Variants in GPC6 observed in about 807,000 individuals in gnomAD.
The protein encoded by GPC6 is glypican 6.
A neutral mutation model predicts 55.2 loss-of-function variants in GPC6; 14 were observed. The ratio of observed to expected loss-of-function variants is 0.25; its 90% CI spans 0.17 to 0.40. The LOEUF is 0.40. Ranked by LOEUF, GPC6 falls within the 10% of genes least tolerant of loss-of-function variation. The probability of loss-of-function intolerance (pLI) is 1.00; values close to 1 mark genes in which losing one functional copy is unlikely to be tolerated. For missense variants in GPC6, 641 were observed against 708.5 expected (o/e 0.90, Z 1.08); for synonymous variants, 278 against 259.6 (o/e 1.07, Z -0.68).
chr13:94,165,973 G>GA (rs1888354625), intron 4 of GPC6, among the ~76,000 whole-genome samples: 1 of 152,076 alleles, frequency 6.6e-6, no homozygotes, highest in Non-Finnish European at 1.5e-5. Flanking sequence ...CTTTCAGGAA[G>GA]AAAATTTTTC....
At chr13:94,393,610 A>G (rs760313300) in intron 7 of GPC6, among the ~76,000 whole-genome samples, 16 of 152,154 alleles carry the variant, frequency 1.1e-4, no homozygotes, top group Non-Finnish European at 2.4e-4. Flanking sequence ...TCAGGGGAAG[A>G]ATCATGCACC....
rs78389627 is a variant in GPC6 at position 94,050,596 on chromosome 13, C to T, written c.877+22702C>T. 2.8e-3 allele frequency among the ~76,000 whole-genome samples: 426 copies of T among 152,282 alleles called. 2 individuals carry two copies. The highest frequency in any genetic ancestry group is 4.9e-3 in the Non-Finnish European group (330 of 68,012). ...CTGCTAAGCAGGCACAGAGAATGTGCACCAATAGACGTTATTGCTAGACTC... is the reference window on the plus strand; with the variant it reads ...CTGCTAAGCAGGCACAGAGAATGTGTACCAATAGACGTTATTGCTAGACTC... On this transcript the variant is annotated intron_variant, in intron 4 of 8. Coordinates refer to ENST00000377047, the MANE Select transcript of GPC6 (RefSeq NM_005708.5).
At chr13:94,329,049 T>C (rs1046095016) in intron 6 of GPC6, among the ~76,000 whole-genome samples, 1 of 152,016 alleles carries the variant, frequency 6.6e-6, no homozygotes, top group African/African-American at 2.4e-5. Context: ...TGAAATGGAG[T>C]TGGTGAGATA....
chr13:93,910,728 A>G (rs1876925689), intron 3 of GPC6, among the ~76,000 whole-genome samples: 1 of 152,196 alleles, frequency 6.6e-6, no homozygotes, highest in Non-Finnish European at 1.5e-5. Context: ...TCAGCCTCCT[A>G]AAAGCCTTGC....
intron 1 of GPC6, among the ~76,000 whole-genome samples, chr13:93,513,762 A>G (rs1314615041): frequency 6.6e-6 from 1 of 152,004 alleles, no homozygotes. Flanking sequence ...GAATATTTTT[A>G]TAGCCCTTCA....
At chr13:94,333,890 G>A (rs1258934869) in intron 6 of GPC6, among the ~76,000 whole-genome samples, 1 of 152,160 alleles carries the variant, frequency 6.6e-6, no homozygotes, top group Non-Finnish European at 1.5e-5. Context: ...TATTAGGATG[G>A]AGAAACTATT....
At chr13:93,704,404 C>A (rs1053818817) in intron 2 of GPC6, among the ~76,000 whole-genome samples, 1 of 151,894 alleles carries the variant, frequency 6.6e-6, no homozygotes, top group African/African-American at 2.4e-5. Flanking sequence ...TTGTCATGAA[C>A]TAAAATTGAG....
At chr13:93,223,713 G>T (rs1875681122), upstream of GPC6, among the ~76,000 whole-genome samples, 1 of 152,056 alleles carries the variant, frequency 6.6e-6, no homozygotes, top group African/African-American at 2.4e-5. Context: ...CAAAGTGGTA[G>T]GATTACAGGC....
chr13:93,649,406 C>A (rs1481713529), intron 2 of GPC6, among the ~76,000 whole-genome samples: 1 of 152,160 alleles, frequency 6.6e-6, no homozygotes, highest in Non-Finnish European at 1.5e-5. Flanking sequence ...AAGCTGTAAT[C>A]ACCACTGCAC....
chr13:93,732,230 C>T (rs1883850374), intron 2 of GPC6, among the ~76,000 whole-genome samples: 1 of 152,086 alleles, frequency 6.6e-6, no homozygotes, highest in Admixed American at 6.6e-5. Context: ...CCTTGCTGCA[C>T]AGCCAGGGAG....
intron 6 of GPC6, among the ~76,000 whole-genome samples, chr13:94,325,089 C>G (rs190009443): frequency 1.8e-4 from 28 of 151,630 alleles, no homozygotes; most frequent in African/African-American, 4.6e-4. Context: ...TCTTCTTTGT[C>G]GTCCACAGTA....
intron 2 of GPC6, among the ~76,000 whole-genome samples, chr13:93,703,097 GTTT>G (rs999464842): frequency 6.6e-6 from 1 of 151,762 alleles, no homozygotes; most frequent in African/African-American, 2.4e-5. Context: ...ATTATTTCTA[GTTT>G]TTTATTTAAA....
rs577461335 is a variant in GPC6, at chr13:94,191,516, G to A, written c.878-94833G>A. ...GTACACTGCACGGCATCAGGACAGT[G>A]AGCGATGTCCTTGGAAATGGCCTCT... On this transcript the variant is annotated intron_variant, in intron 4 of 8. Transcript: ENST00000377047. Among the ~76,000 whole-genome samples the A allele has an allele frequency of 2.9e-4, 44 of 152,086 alleles. 1 individual carries two copies. Among genetic ancestry groups the A allele is most frequent in the African/African-American group, 9.9e-4 (41 of 41,484 alleles).
At chr13:93,869,379 A>G (rs1057388952) in intron 3 of GPC6, among the ~76,000 whole-genome samples, 10 of 151,868 alleles carry the variant, frequency 6.6e-5, no homozygotes, top group Non-Finnish European at 1.5e-4. Context: ...GTAGACTTCT[A>G]TCTGGCATGG....
chr13:94,252,612 CCAA>C lies in GPC6; in HGVS notation c.878-33727_878-33725del, dbSNP rs966710352. On this transcript the variant is annotated intron_variant, in intron 4 of 8. Coordinates refer to ENST00000377047, the MANE Select transcript of GPC6 (RefSeq NM_005708.5). ...CTGCTCTCCCCTGTACCCACCACCA[CCAA>C]CAACAACAAAAGTTGTCTCTTAGTG... Among the ~76,000 whole-genome samples the C allele has an allele frequency of 1.5e-4, 23 of 151,988 alleles. No individual in the cohort carries two copies. In the East Asian group the frequency reaches 1.6e-3, roughly 10 times the overall value.
the GPC6 span, among the ~76,000 whole-genome samples, chr13:93,220,807 A>G: frequency 6.6e-6 from 1 of 152,200 alleles, no homozygotes; most frequent in Admixed American, 6.5e-5. Flanking sequence ...ATGTAGTTCT[A>G]GGCATGAAAA....
chr13:94,111,439 C>A (rs1002945343), intron 4 of GPC6, among the ~76,000 whole-genome samples: 1 of 149,910 alleles, frequency 6.7e-6, no homozygotes, highest in East Asian at 2.0e-4. Context: ...CAAACCTGCA[C>A]GTTCAGCACA....
chr13:93,438,151 G>C (rs549447826), intron 1 of GPC6, among the ~76,000 whole-genome samples: 7 of 152,254 alleles, frequency 4.6e-5, no homozygotes, highest in African/African-American at 1.7e-4. Context: ...AAGTATTACT[G>C]CTCATTGACA....
At chr13:93,821,581 A>G (rs937991780) in intron 2 of GPC6, among the ~76,000 whole-genome samples, 27 of 152,310 alleles carry the variant, frequency 1.8e-4, no homozygotes, top group African/African-American at 5.5e-4. Flanking sequence ...AAGTGTTGCA[A>G]TTATAATCAT....
Sources: allele counts gnomAD v4.1 joint callset (sites outside exome capture counted in the v4.1 genomes callset), GRCh38; gene constraint gnomAD v4.1.1; transcripts MANE v1.5; gene names NCBI Gene and HGNC (gene_info 2026-07-23, HGNC 2026-07-21).